GUCY1A1: variants seen among roughly 807,000 people sequenced by gnomAD.
The protein encoded by GUCY1A1 is guanylate cyclase 1 soluble subunit alpha 1, also known as guanylate cyclase soluble subunit alpha-1.
GUCY1A1 carries 48 observed loss-of-function variants against 64.5 expected under a neutral mutation model. The observed-to-expected ratio is 0.74, with a 90% CI of 0.59 to 0.95. The LOEUF (loss-of-function observed/expected upper bound fraction) is 0.95. Ranked by LOEUF, GUCY1A1 falls within the 40% of genes least tolerant of loss-of-function variation. GUCY1A1 has a pLI of 0.00. For missense variants in GUCY1A1, 804 were observed against 825.3 expected, an observed-to-expected ratio of 0.97 and a Z score of 0.32; for synonymous variants, 308 against 303.4, an observed-to-expected ratio of 1.02 and a Z score of -0.16.
chr4:155,702,125 C>T lies in GUCY1A1; in HGVS notation c.256-1807C>T, dbSNP rs556213472. On this transcript the variant is annotated intron_variant, in intron 3 of 9. Transcript: ENST00000506455. ...GTAAGCAAAACCGACACTCTCTGCC[C>T]TTTTGGAGCTTCTGTTGTAATGGAA... is the stretch of plus-strand genomic sequence containing the variant. Among the ~76,000 whole-genome samples the T allele has an allele frequency of 5.3e-5, 8 of 152,166 alleles. No individual in the cohort carries two copies. In the East Asian group the frequency reaches 1.6e-3, roughly 30 times the overall value.
At chr4:155,680,489 T>G (rs1735579523) in intron 2 of GUCY1A1, among the ~76,000 whole-genome samples, 2 of 150,606 alleles carry the variant, frequency 1.3e-5, no homozygotes, top group African/African-American at 4.9e-5. Context: ...TGTGTGCACA[T>G]GCATGTGTAT....
At chr4:155,692,927 C>T (rs1167522650) in intron 2 of GUCY1A1, among the ~76,000 whole-genome samples, 2 of 152,044 alleles carry the variant, frequency 1.3e-5, no homozygotes, top group Admixed American at 1.3e-4. Context: ...GGCATGGTGG[C>T]TGCCACCTGT....
chr4:155,672,409 A>G (rs1467922738), intron 2 of GUCY1A1, among the ~76,000 whole-genome samples: 2 of 152,184 alleles, frequency 1.3e-5, no homozygotes, highest in Admixed American at 1.3e-4. Flanking sequence ...TCCTCTTTAT[A>G]AGGCTGTTCA....
At chr4:155,692,413 A>C (rs1729865349) in intron 2 of GUCY1A1, among the ~76,000 whole-genome samples, 1 of 152,148 alleles carries the variant, frequency 6.6e-6, no homozygotes, top group Non-Finnish European at 1.5e-5. Context: ...TCCCACGAAG[A>C]GTGTAAATTA....
chr4:155,714,974 T>C (rs1400431446), intron 7 of GUCY1A1, among the ~76,000 whole-genome samples: 1 of 152,192 alleles, frequency 6.6e-6, no homozygotes, highest in Non-Finnish European at 1.5e-5. Context: ...CTGCTGTAAT[T>C]GCTAACAGAA....
In GUCY1A1 at chr4:155,710,559, A is replaced by G. The variant is rs533029497; in HGVS notation, c.394A>G (p.Ile132Val). Residue 132 changes from isoleucine (I) to valine (V), a missense_variant, in exon 6 of 10, where the codon ATC (isoleucine) becomes GTC (valine). By Grantham distance (29) the Ile-to-Val change is conservative. Coordinates refer to ENST00000506455, the MANE Select transcript of GUCY1A1 (RefSeq NM_001130682.3). ...AVAAGVPVEVIKESLGEEVFK... is the reference protein window; with the variant it reads ...AVAAGVPVEVVKESLGEEVFK... ...GATTTCAGGAGTTCCAGTGGAGGTT[A>G]TCAAAGAATCTCTTGGTGAAGAGGT... 1.9e-5 allele frequency: 31 copies of G among 1,598,306 alleles called. No homozygotes were observed. Among genetic ancestry groups the G allele is most frequent in the Middle Eastern group, 1.7e-4 (1 of 5,988 alleles).
chr4:155,717,550 C>T (rs1733424039), intron 8 of GUCY1A1, among the ~76,000 whole-genome samples: 1 of 152,106 alleles, frequency 6.6e-6, no homozygotes, highest in Non-Finnish European at 1.5e-5. Context: ...AAAAATGTTT[C>T]CCATAGTATA....
chr4:155,708,247 A>G lies in GUCY1A1; in HGVS notation c.329A>G (p.Glu110Gly). 1 of 1,498,340 alleles carries G rather than the reference A, an allele frequency of 6.7e-7. No homozygotes were observed. The highest frequency in any genetic ancestry group is 9.3e-7 in the Non-Finnish European group (1 of 1,076,126). The allele number at this position is 1,498,340 out of a possible 1,614,324, so 92.8% of individuals were successfully genotyped here. The change falls in exon 5 of 10, where the codon GAA (glutamate) becomes GGA (glycine). Residue 110 changes from glutamate (E) to glycine (G), a missense_variant. Coordinates refer to ENST00000506455, the MANE Select transcript of GUCY1A1 (RefSeq NM_001130682.3). ...HKIKESRKSL[E>G]REDFEKTIAE... Reference sequence around the variant, plus strand: ...TGAAATATTTCCAGGAAATCTTTGGAAAGAGAAGACTTTGAAAAAACAATT... The same window carrying G: ...TGAAATATTTCCAGGAAATCTTTGGGAAGAGAAGACTTTGAAAAAACAATT...
chr4:155,686,293 C>T (rs1411046943), intron 2 of GUCY1A1, among the ~76,000 whole-genome samples: 25 of 151,972 alleles, frequency 1.6e-4, no homozygotes, highest in African/African-American at 5.5e-4. Flanking sequence ...CTGGGCAACA[C>T]GGTGAAACCT....
intron 2 of GUCY1A1, among the ~76,000 whole-genome samples, chr4:155,685,603 GTTTTTTTTTTT>G (rs70954055): frequency 2.8e-5 from 3 of 108,906 alleles, no homozygotes; most frequent in East Asian, 3.4e-4. Context: ...TTCTCCTTGT[GTTTTTTTTTTT>G]TTTTTTTTTT....
At chr4:155,697,978 C>T (rs749118836) in intron 3 of GUCY1A1, among the ~76,000 whole-genome samples, 9 of 152,180 alleles carry the variant, frequency 5.9e-5, no homozygotes, top group Admixed American at 6.5e-5. Context: ...CAGACACCAG[C>T]TAACATAATA....
At chr4:155,721,623 C>T (rs1375809723) in intron 8 of GUCY1A1, among the ~76,000 whole-genome samples, 1 of 152,014 alleles carries the variant, frequency 6.6e-6, no homozygotes, top group African/African-American at 2.4e-5. Context: ...CTTCATTTGC[C>T]CTTCTTTGTC....
At chr4:155,697,483 T>C (rs890240598) in intron 3 of GUCY1A1, among the ~76,000 whole-genome samples, 3 of 152,218 alleles carry the variant, frequency 2.0e-5, no homozygotes, top group Non-Finnish European at 4.4e-5. Context: ...CATCCATAGC[T>C]CTTGCCATAA....
intron 2 of GUCY1A1, among the ~76,000 whole-genome samples, chr4:155,685,625 T>TTTTTTTTTTTTTG (rs1728896565): frequency 6.7e-6 from 1 of 148,454 alleles, no homozygotes; most frequent in African/African-American, 2.6e-5. Flanking sequence ...TTTTTTTTTT[T>TTTTTTTTTTTTTG]TTCTCTTTGC....
chr4:155,713,179 T>C lies in GUCY1A1; in HGVS notation c.1168T>C (p.Leu390=), dbSNP rs1172437596. 1 of 1,613,760 alleles carries C rather than the reference T, an allele frequency of 6.2e-7. No individual in the cohort carries two copies. The highest frequency in any genetic ancestry group is 1.3e-5 in the African/African-American group (1 of 74,900). ...TTTGGGGTCACCCTGTGTGGACAGA[T>C]TAGAAGATTTTACAGGACGAGGGCT... ...LFLGSPCVDR[L]EDFTGRGLYL... Residue 390 remains leucine (L), a synonymous_variant, in exon 7 of 10, where the codon TTA becomes CTA. Coordinates refer to ENST00000506455, the MANE Select transcript of GUCY1A1 (RefSeq NM_001130682.3).
chr4:155,678,519 T>A (rs908972589), intron 2 of GUCY1A1, among the ~76,000 whole-genome samples: 2 of 152,246 alleles, frequency 1.3e-5, no homozygotes, highest in African/African-American at 4.8e-5. Context: ...TTGAGGAATG[T>A]TCTATTCTCA....
At chr4:155,680,643 A>G (rs1371733040) in intron 2 of GUCY1A1, among the ~76,000 whole-genome samples, 2 of 152,166 alleles carry the variant, frequency 1.3e-5, no homozygotes, top group Non-Finnish European at 2.9e-5. Context: ...CAGTTGATTG[A>G]CATGTATTAT....
At chr4:155,680,483 T>C (rs982209039) in intron 2 of GUCY1A1, among the ~76,000 whole-genome samples, 55 of 147,966 alleles carry the variant, frequency 3.7e-4, no homozygotes, top group African/African-American at 1.3e-3. Flanking sequence ...TGTGTGTGTG[T>C]GCACATGCAT....
intron 2 of GUCY1A1, among the ~76,000 whole-genome samples, chr4:155,687,392 A>G (rs1729138067): frequency 6.6e-6 from 1 of 152,214 alleles, no homozygotes; most frequent in African/African-American, 2.4e-5. Flanking sequence ...AAAATTATGG[A>G]CCTATGGATG....
Sources: gnomAD v4.1 joint callset for allele counts (sites outside exome capture counted in the v4.1 genomes callset) on GRCh38, gnomAD v4.1.1 for gene constraint, MANE v1.5 for transcripts, NCBI Gene and HGNC (gene_info 2026-07-23, HGNC 2026-07-21) for gene names.